The following DLG2 variants were observed in gnomAD, a reference collection of about 807,000 sequenced individuals.
The protein encoded by DLG2 is disks large homolog 2.
Under a neutral mutation model 132.5 loss-of-function variants are expected in DLG2, and 45 were observed. The ratio of observed to expected loss-of-function variants is 0.34; its 90% confidence interval spans 0.27 to 0.44. The LOEUF (loss-of-function observed/expected upper bound fraction) is 0.44. Among genes scored for constraint, DLG2 ranks in the 20% least tolerant of loss-of-function variants. The probability of loss-of-function intolerance (pLI) is 1.00; values close to 1 mark genes in which losing one functional copy is unlikely to be tolerated. For missense variants in DLG2, 1,045 were observed against 1,196.9 expected (o/e 0.87, Z 1.87); for synonymous variants, 424 against 419.6 (o/e 1.01, Z -0.13).
At chr11:84,149,878 C>A (rs2095237491) in intron 9 of DLG2, among the ~76,000 whole-genome samples, 1 of 152,094 alleles carries the variant, frequency 6.6e-6, no homozygotes, top group African/African-American at 2.4e-5. Context: ...CTGCTTCACC[C>A]TCCTGAGTAG....
At chr11:84,786,461 T>A (rs931591380) in intron 6 of DLG2, among the ~76,000 whole-genome samples, 2 of 152,200 alleles carry the variant, frequency 1.3e-5, no homozygotes, top group Admixed American at 6.5e-5. Flanking sequence ...CAGAAGTTAA[T>A]AGCTAAATAC....
chr11:85,592,833 G>T (rs1444531414), intron 3 of DLG2, among the ~76,000 whole-genome samples: 1 of 151,916 alleles, frequency 6.6e-6, no homozygotes, highest in African/African-American at 2.4e-5. Flanking sequence ...CATACCAGTA[G>T]TCCCAGGTAC....
intron 11 of DLG2, among the ~76,000 whole-genome samples, chr11:84,037,136 T>C (rs947506742): frequency 1.3e-5 from 2 of 152,152 alleles, no homozygotes; most frequent in Non-Finnish European, 1.5e-5. Flanking sequence ...ACCTAAAAGA[T>C]TATCTTTTAT....
intron 6 of DLG2, among the ~76,000 whole-genome samples, chr11:84,731,284 C>T (rs939069877): frequency 6.6e-6 from 1 of 152,014 alleles, no homozygotes; most frequent in Non-Finnish European, 1.5e-5. Context: ...GAAGTATCTA[C>T]TATGTGCTAG....
At chr11:84,002,632 T>A (rs1019078526) in intron 11 of DLG2, among the ~76,000 whole-genome samples, 2 of 152,130 alleles carry the variant, frequency 1.3e-5, no homozygotes, top group Admixed American at 6.6e-5. Context: ...ATGGCTGGAA[T>A]GCAGGGCACC....
At chr11:85,293,201 G>A (rs1189566125) in intron 3 of DLG2, among the ~76,000 whole-genome samples, 2 of 152,118 alleles carry the variant, frequency 1.3e-5, no homozygotes, top group Non-Finnish European at 2.9e-5. Flanking sequence ...GAGGGATTCT[G>A]CAACTAGTGG....
intron 6 of DLG2, among the ~76,000 whole-genome samples, chr11:84,855,226 T>C (rs1283738882): frequency 6.6e-6 from 1 of 152,094 alleles, no homozygotes; most frequent in Non-Finnish European, 1.5e-5. Flanking sequence ...CACTTGGATT[T>C]AACATCAAGT....
At chr11:85,112,509 T>C (rs2072933668) in intron 5 of DLG2, among the ~76,000 whole-genome samples, 1 of 152,060 alleles carries the variant, frequency 6.6e-6, no homozygotes. Context: ...CCATACTTTA[T>C]CTTTTATTTT....
At chr11:83,596,810 C>CT (rs201728450) in intron 19 of DLG2, among the ~76,000 whole-genome samples, 6,328 of 83,318 alleles carry the variant, frequency 0.076, 470 homozygotes, top group African/African-American at 0.29. Flanking sequence ...ATCATTTTTT[C>CT]TTTTTCTGTT....
intron 19 of DLG2, among the ~76,000 whole-genome samples, chr11:83,627,833 G>A (rs182680432): frequency 0.013 from 2,055 of 152,296 alleles, 46 homozygotes; most frequent in African/African-American, 0.047. Flanking sequence ...CCCACCAACA[G>A]TGTAAAAGTG....
chr11:83,795,175 G>T (rs1006666442), intron 17 of DLG2, among the ~76,000 whole-genome samples: 1 of 152,142 alleles, frequency 6.6e-6, no homozygotes, highest in Non-Finnish European at 1.5e-5. Flanking sequence ...GGAGGCCGAG[G>T]TGGGCAGATC....
At chr11:85,169,913 G>T (rs2078722190) in intron 4 of DLG2, among the ~76,000 whole-genome samples, 1 of 152,006 alleles carries the variant, frequency 6.6e-6, no homozygotes, top group Admixed American at 6.6e-5. Context: ...ATACTTTTGG[G>T]TATCATTTTC....
At chr11:84,209,628 A>AT (rs2096724311) in intron 8 of DLG2, among the ~76,000 whole-genome samples, 1 of 151,470 alleles carries the variant, frequency 6.6e-6, no homozygotes, top group South Asian at 2.1e-4. Context: ...AAAAAAAAAA[A>AT]TTTGTTCGTG....
chr11:85,334,525 T>G (rs2081994179), intron 3 of DLG2, among the ~76,000 whole-genome samples: 1 of 152,198 alleles, frequency 6.6e-6, no homozygotes, highest in South Asian at 2.1e-4. Flanking sequence ...TAGTGTTAGA[T>G]TCTCAATTTG....
chr11:83,931,356 A>G (rs1269786734), intron 14 of DLG2, among the ~76,000 whole-genome samples: 1 of 152,236 alleles, frequency 6.6e-6, no homozygotes, highest in African/African-American at 2.4e-5. Context: ...GACTTCTTTT[A>G]GATCATAAAA....
At chr11:83,616,014 A>ATG (rs368742253) in intron 19 of DLG2, among the ~76,000 whole-genome samples, 9 of 151,656 alleles carry the variant, frequency 5.9e-5, no homozygotes, top group East Asian at 1.9e-4. Flanking sequence ...AGTAGTGTGT[A>ATG]TGTGTGTGTG....
At chr11:84,161,193 G>C (rs1330389937) in intron 9 of DLG2, among the ~76,000 whole-genome samples, 1 of 151,988 alleles carries the variant, frequency 6.6e-6, no homozygotes, top group Admixed American at 6.6e-5. Context: ...TGCTGGATGA[G>C]CACAAAAAGC....
chr11:83,775,035 A>C (rs1229730422), intron 18 of DLG2, among the ~76,000 whole-genome samples: 1 of 152,080 alleles, frequency 6.6e-6, no homozygotes, highest in Non-Finnish European at 1.5e-5. Context: ...CAATTTTAAA[A>C]AGAGAAAGAA....
chr11:85,485,396 T>C (rs1377026466), intron 3 of DLG2, among the ~76,000 whole-genome samples: 10 of 151,942 alleles, frequency 6.6e-5, no homozygotes, highest in East Asian at 5.8e-4. Flanking sequence ...AGATGCAAAT[T>C]GTGACATCAA....
Sources: allele counts gnomAD v4.1 joint callset (sites outside exome capture counted in the v4.1 genomes callset), GRCh38; gene constraint gnomAD v4.1.1; transcripts MANE v1.5; gene names NCBI Gene and HGNC (gene_info 2026-07-23, HGNC 2026-07-21).